Variants in DCP1A observed in about 807,000 individuals in gnomAD.
DCP1A encodes the protein mRNA-decapping enzyme 1A.
DCP1A carries 20 observed loss-of-function variants against 58.0 expected under a neutral mutation model. The ratio of observed to expected loss-of-function variants is 0.34; its 90% confidence interval spans 0.24 to 0.50. The LOEUF is 0.50. Ranked by LOEUF, DCP1A falls within the 20% of genes least tolerant of loss-of-function variation. DCP1A has a pLI of 0.98. For synonymous variants in DCP1A, 285 were observed against 275.1 expected, an observed-to-expected ratio of 1.04 and a Z score of -0.36; for missense variants, 613 against 712.2, an observed-to-expected ratio of 0.86 and a Z score of 1.59.
rs1285698627 is a variant in DCP1A at position 53,284,739 on chromosome 3, G to A, written c.*2841C>T. On this transcript the variant is annotated 3_prime_UTR_variant, in exon 10 of 10. Transcript: ENST00000610213. ...TTTAGTAGAGATGGGGTTTCACCATGTTGGTCAGGCTGGGACTTGGGTTCT... is the reference window on the plus strand; with the variant it reads ...TTTAGTAGAGATGGGGTTTCACCATATTGGTCAGGCTGGGACTTGGGTTCT... The A allele has an allele frequency of 6.6e-6, 1 of 152,264 alleles. No individual in the cohort carries two copies. The highest frequency in any genetic ancestry group is 1.9e-4 in the East Asian group (1 of 5,194). 9.4% of individuals were successfully genotyped at this position (152,264 alleles called of 1,614,324 possible).
chr3:53,336,253 C>T (rs2089113966), intron 3 of DCP1A, among the ~76,000 whole-genome samples: 1 of 152,218 alleles, frequency 6.6e-6, no homozygotes, highest in African/African-American at 2.4e-5. Context: ...TTACAGGTGT[C>T]TGCCACCACG....
intron 7 of DCP1A, 81 bp downstream of exon 7, chr3:53,291,988 A>G (rs777304304): frequency 1.6e-4 from 223 of 1,432,074 alleles, no homozygotes; most frequent in Non-Finnish European, 1.9e-4. Flanking sequence ...ATGTCATGAC[A>G]GTTAAAACCA....
intron 6 of DCP1A, among the ~76,000 whole-genome samples, chr3:53,297,438 G>T (rs1575596970): frequency 6.6e-6 from 1 of 151,008 alleles, no homozygotes; most frequent in East Asian, 1.9e-4. Flanking sequence ...ACGGCTCACT[G>T]CAACCTCCAC....
Position 53,342,226 on chromosome 3 carries a change from A to G in DCP1A, c.222T>C (p.Asn74=). 2 of 1,604,040 alleles carry G rather than the reference A, an allele frequency of 1.2e-6. No homozygotes were observed. The highest frequency in any genetic ancestry group is 8.5e-7 in the Non-Finnish European group (1 of 1,173,582). ...YHGFTIVNRL[N]MHNLVEPVNK... Reference sequence around the variant, plus strand: ...TCACTGGTTCAACTAGATTGTGCATATTTAGTCGATTCACAATGGTAAAAC... The same window carrying G: ...TCACTGGTTCAACTAGATTGTGCATGTTTAGTCGATTCACAATGGTAAAAC... The change falls in exon 3 of 10, where the codon AAT becomes AAC. Residue 74 remains asparagine (N), a synonymous_variant. Transcript: ENST00000610213.
chr3:53,339,256 C>A (rs2106893191), intron 3 of DCP1A, among the ~76,000 whole-genome samples: 1 of 152,284 alleles, frequency 6.6e-6, no homozygotes, highest in Admixed American at 6.5e-5. Flanking sequence ...TCACTTCTCC[C>A]CAATACAGCT....
intron 4 of DCP1A, among the ~76,000 whole-genome samples, chr3:53,313,782 C>T (rs1471606680): frequency 6.6e-6 from 1 of 151,696 alleles, no homozygotes; most frequent in Non-Finnish European, 1.5e-5. Context: ...CCAGCCTGCA[C>T]AGGAGCTCTC....
chr3:53,347,279 G>A, intron 1 of DCP1A, 104 bp downstream of exon 1: 1 of 1,335,862 alleles, frequency 7.5e-7, no homozygotes, highest in Non-Finnish European at 9.7e-7. Context: ...CGTCTCCACC[G>A]CCCTGGCCTC....
At chr3:53,301,496 C>T (rs1457196502) in intron 6 of DCP1A, among the ~76,000 whole-genome samples, 2 of 152,140 alleles carry the variant, frequency 1.3e-5, no homozygotes, top group Non-Finnish European at 2.9e-5. Context: ...TAGTCTCGAA[C>T]TCCTGACCTC....
Position 53,286,282 on chromosome 3 carries a change from T to C in DCP1A, c.*1298A>G, listed in dbSNP as rs1706630461. Reference sequence around the variant, plus strand: ...ATTGGGTTTTTACCCCATCATTAAATAGTGCTCAGAAAAGTAAGCAGTGCA... The same window carrying C: ...ATTGGGTTTTTACCCCATCATTAAACAGTGCTCAGAAAAGTAAGCAGTGCA... On this transcript the variant is annotated 3_prime_UTR_variant, in exon 10 of 10. Coordinates refer to ENST00000610213, the MANE Select transcript of DCP1A (RefSeq NM_018403.7). 1 of 152,246 alleles carries C rather than the reference T, an allele frequency of 6.6e-6. No homozygotes were observed. Among genetic ancestry groups the C allele is most frequent in the South Asian group, 2.1e-4 (1 of 4,836 alleles). 9.4% of individuals were successfully genotyped at this position (152,246 alleles called of 1,614,324 possible).
chr3:53,340,633 C>T (rs1210369672), intron 3 of DCP1A, among the ~76,000 whole-genome samples: 1 of 149,826 alleles, frequency 6.7e-6, no homozygotes, highest in East Asian at 2.0e-4. Flanking sequence ...TTAGAAGCAA[C>T]ATTTCTCCAA....
Position 53,292,241 on chromosome 3 carries a change from T to C in DCP1A, c.1211A>G (p.His404Arg), listed in dbSNP as rs375539952. 1.4e-5 allele frequency: 22 copies of C among 1,613,876 alleles called. No individual in the cohort carries two copies. Among genetic ancestry groups the C allele is most frequent in the Admixed American group, 5.0e-5 (3 of 59,998 alleles). The change falls in exon 7 of 10, where the codon CAT (histidine) becomes CGT (arginine). Residue 404 changes from histidine to arginine, a missense_variant. Physicochemically the swap from His to Arg is conservative, Grantham distance 29. Coordinates refer to ENST00000610213, the MANE Select transcript of DCP1A (RefSeq NM_018403.7). Reference sequence around the variant, plus strand: ...AAGTGGTTGTGTCTGTATTTGGTCATGCTGTGGGGTCAACCTGAGTTTCTG... The same window carrying C: ...AAGTGGTTGTGTCTGTATTTGGTCACGCTGTGGGGTCAACCTGAGTTTCTG... ...LLQKLRLTPQ[H>R]DQIQTQPLGK...
At chr3:53,341,389 A>G (rs566585108) in intron 3 of DCP1A, among the ~76,000 whole-genome samples, 3 of 152,158 alleles carry the variant, frequency 2.0e-5, no homozygotes, top group Non-Finnish European at 4.4e-5. Context: ...CGGGAGGCAG[A>G]GCTTGCATGA....
rs545112157 is a variant in DCP1A at position 53,331,818 on chromosome 3, T to C, written c.304+10326A>G. ...GATTCCCCATTACTACTTTTATTCC[T>C]AAGAGGTGTCCACAGTGAAAATCAA... is the stretch of plus-strand genomic sequence containing the variant. On this transcript the variant is annotated intron_variant, in intron 3 of 9. Coordinates refer to ENST00000610213, the MANE Select transcript of DCP1A (RefSeq NM_018403.7). Among the ~76,000 whole-genome samples the C allele has an allele frequency of 2.0e-5, 3 of 152,338 alleles. No individual in the cohort carries two copies. The East Asian group carries it at 5.8e-4, about 29-fold the overall frequency.
rs782798835 is a variant in DCP1A at position 53,288,254 on chromosome 3, C to T, written c.1479G>A (p.Thr493=). The change falls in exon 9 of 10, where the codon ACG becomes ACA. Residue 493 remains threonine (T), a synonymous_variant. Coordinates refer to ENST00000610213, the MANE Select transcript of DCP1A (RefSeq NM_018403.7). ...PVAGAPLVTA[T]TTAVSSVLLA... ...GCAGGACTGAAGACACTGCAGTGGT[C>T]GTTGCAGTAACCAGTGGGGCGCCTG... is the stretch of plus-strand genomic sequence containing the variant. The T allele has an allele frequency of 1.6e-5, 26 of 1,612,906 alleles. No individual in the cohort carries two copies. The highest frequency in any genetic ancestry group is 4.5e-5 in the East Asian group (2 of 44,820).
At chr3:53,296,233 A>C (rs1333237248) in intron 6 of DCP1A, among the ~76,000 whole-genome samples, 1 of 152,188 alleles carries the variant, frequency 6.6e-6, no homozygotes, top group African/African-American at 2.4e-5. Flanking sequence ...AGTACCAAAC[A>C]AAAATTCATT....
intron 3 of DCP1A, among the ~76,000 whole-genome samples, chr3:53,336,774 C>A (rs1164895502): frequency 1.3e-5 from 2 of 152,094 alleles, no homozygotes; most frequent in African/African-American, 2.4e-5. Flanking sequence ...ACAACTTGAA[C>A]CTTAAATTTG....
intron 6 of DCP1A, among the ~76,000 whole-genome samples, chr3:53,299,569 C>T (rs550730928): frequency 1.3e-5 from 2 of 152,146 alleles, no homozygotes; most frequent in Admixed American, 6.5e-5. Context: ...AGTGGGCACA[C>T]TATAAGATAG....
At chr3:53,333,998 C>G (rs149645836) in intron 3 of DCP1A, among the ~76,000 whole-genome samples, 1 of 151,268 alleles carries the variant, frequency 6.6e-6, no homozygotes, top group Admixed American at 6.6e-5. Context: ...TGCAGTGGCT[C>G]ACACCTATAA....
chr3:53,305,075 C>T (rs1553687889), intron 5 of DCP1A, among the ~76,000 whole-genome samples: 3 of 152,148 alleles, frequency 2.0e-5, no homozygotes, highest in African/African-American at 7.2e-5. Flanking sequence ...TTCTCTCTCA[C>T]TCTAGTTTCG....
Sources: allele counts gnomAD v4.1 joint callset (sites outside exome capture counted in the v4.1 genomes callset), GRCh38; gene constraint gnomAD v4.1.1; transcripts MANE v1.5; gene names NCBI Gene and HGNC (gene_info 2026-07-23, HGNC 2026-07-21).